The following ABI2 variants were observed in gnomAD, a reference collection of about 807,000 sequenced individuals.
ABI2 encodes the protein abl interactor 2.
Under a neutral mutation model 59.2 loss-of-function variants are expected in ABI2, and 25 were observed. The ratio of observed to expected loss-of-function variants is 0.42; its 90% CI spans 0.31 to 0.59. The LOEUF (loss-of-function observed/expected upper bound fraction) is 0.59. Ranked by LOEUF, ABI2 falls within the 20% of genes least tolerant of loss-of-function variation. The pLI, the probability that ABI2 is intolerant of heterozygous loss-of-function variation, is 0.14. For missense variants in ABI2, 545 were observed against 681.8 expected (o/e 0.80, Z 2.23); for synonymous variants, 213 against 235.5 (o/e 0.90, Z 0.87).
intron 2 of ABI2, among the ~76,000 whole-genome samples, chr2:203,367,894 C>T (rs2094619101): frequency 6.6e-6 from 1 of 151,578 alleles, no homozygotes. Flanking sequence ...GTCCCAGCTA[C>T]TTGGGAGGCT....
intron 1 of ABI2, among the ~76,000 whole-genome samples, chr2:203,348,978 G>T (rs1014380036): frequency 3.9e-5 from 6 of 152,092 alleles, no homozygotes; most frequent in Non-Finnish European, 8.8e-5. Context: ...CATTGTCTAG[G>T]CTGGAGTGCA....
intron 2 of ABI2, among the ~76,000 whole-genome samples, chr2:203,371,768 G>GT: frequency 6.6e-6 from 1 of 152,108 alleles, no homozygotes; most frequent in African/African-American, 2.4e-5. Flanking sequence ...TCAGTATAGT[G>GT]TAACATTATT....
chr2:203,363,015 G>C (rs2093744763), intron 1 of ABI2, among the ~76,000 whole-genome samples: 1 of 151,958 alleles, frequency 6.6e-6, no homozygotes, highest in Admixed American at 6.6e-5. Flanking sequence ...ATTTTTAGTA[G>C]AGACAGGGTT....
chr2:203,409,249 T>A (rs2097560632), intron 9 of ABI2, among the ~76,000 whole-genome samples: 1 of 152,176 alleles, frequency 6.6e-6, no homozygotes, highest in African/African-American at 2.4e-5. Flanking sequence ...AGTCAAGGAT[T>A]TACTGCCAAG....
At chr2:203,374,674 T>TTTGTTTTATGAATGATACATA (rs1165916715) in intron 2 of ABI2, 8 of 338,340 alleles carry the variant, frequency 2.4e-5, no homozygotes, top group Admixed American at 8.9e-5. Context: ...TAGTAACTAA[T>TTTGTTTTATGAATGATACATA]TTGTTTTATG....
intron 8 of ABI2, among the ~76,000 whole-genome samples, chr2:203,397,906 G>A (rs1400700178): frequency 6.6e-6 from 1 of 152,088 alleles, no homozygotes; most frequent in Non-Finnish European, 1.5e-5. Flanking sequence ...CAAGGGGGAT[G>A]GTGTTAAACC....
chr2:203,391,638 T>G (rs2096744325), intron 5 of ABI2, among the ~76,000 whole-genome samples: 1 of 152,104 alleles, frequency 6.6e-6, no homozygotes. Flanking sequence ...CTGGGCAACA[T>G]GGTGAAACCC....
intron 1 of ABI2, among the ~76,000 whole-genome samples, chr2:203,362,336 A>T (rs2093628800): frequency 6.6e-6 from 1 of 152,138 alleles, no homozygotes; most frequent in African/African-American, 2.4e-5. Flanking sequence ...TTCACTGTGA[A>T]TATTTATTTT....
rs1160939828 is a variant in ABI2, at chr2:203,380,316, C to T, written c.394C>T (p.Arg132Ter). 1.2e-6 allele frequency: 2 copies of T among 1,607,368 alleles called. No individual in the cohort carries two copies. Among genetic ancestry groups the T allele is most frequent in the Non-Finnish European group, 1.7e-6 (2 of 1,177,296 alleles). The change falls in exon 3 of 12, where the codon CGA becomes TGA. Residue 132 changes from arginine to a stop codon, truncating the protein, a stop_gained. Coordinates refer to ENST00000261018, the MANE Select transcript of ABI2 (RefSeq NM_001375670.1). LOFTEE classifies it high-confidence loss of function. ...HKIIAPANLE[R>*]PVRYIRKPID... ...GATTATTGCTCCAGCCAACCTTGAACGACCAGTTCGTTATATTAGAAAACC... is the reference window on the plus strand; with the variant it reads ...GATTATTGCTCCAGCCAACCTTGAATGACCAGTTCGTTATATTAGAAAACC...
At chr2:203,342,248 C>G (rs969275124) in intron 1 of ABI2, 25 of 454,828 alleles carry the variant, frequency 5.5e-5, no homozygotes, top group Non-Finnish European at 9.3e-5. Flanking sequence ...ACTCATGGAC[C>G]AAGTCCAGTT....
chr2:203,427,253 CAAG>C lies in ABI2; in HGVS notation c.1536_1538del (p.Lys512del). 2 of 1,613,760 alleles carry C rather than the reference CAAG, an allele frequency of 1.2e-6. No homozygotes were observed. The highest frequency in any genetic ancestry group is 1.7e-6 in the Non-Finnish European group (2 of 1,179,796). On this transcript the variant is annotated inframe_deletion, in exon 12 of 12. Transcript: ENST00000261018. ...AGGAAGGAGCCATTATTTATGTCAT[CAAG>C]AAGAATGACGATGGTTGGTATGAGG...
intron 1 of ABI2, among the ~76,000 whole-genome samples, chr2:203,350,775 T>A (rs928312569): frequency 3.3e-5 from 5 of 151,832 alleles, no homozygotes; most frequent in African/African-American, 2.4e-5. Flanking sequence ...CCTGACCTCA[T>A]GATCCACCCG....
At chr2:203,396,674 T>C in intron 7 of ABI2, 111 bp from the exon 8 acceptor site, 2 of 1,093,050 alleles carry the variant, frequency 1.8e-6, no homozygotes, top group Non-Finnish European at 2.4e-6. Flanking sequence ...TCTGTTCTTT[T>C]GGTTAGTGTT....
chr2:203,395,821 G>T, intron 7 of ABI2, 41 bp downstream of exon 7: 1 of 1,508,894 alleles, frequency 6.6e-7, no homozygotes, highest in South Asian at 1.4e-5. Context: ...TTTCCTTTCT[G>T]AATTTGATTC....
intron 1 of ABI2, among the ~76,000 whole-genome samples, chr2:203,352,684 T>C (rs963880062): frequency 2.0e-5 from 3 of 152,200 alleles, no homozygotes; most frequent in African/African-American, 7.2e-5. Context: ...ACAGTAAAGG[T>C]TAATTTATTA....
intron 6 of ABI2, 94 bp from the exon 7 acceptor site, chr2:203,395,562 T>C: frequency 7.3e-7 from 1 of 1,364,468 alleles, no homozygotes; most frequent in Non-Finnish European, 9.9e-7. Flanking sequence ...ATTACCTTTA[T>C]TGTAGCTACA....
chr2:203,400,337 C>T (rs1372490630), intron 8 of ABI2, among the ~76,000 whole-genome samples: 1 of 151,916 alleles, frequency 6.6e-6, no homozygotes, highest in African/African-American at 2.4e-5. Flanking sequence ...GATCCACCCG[C>T]CTCCACCTCC....
chr2:203,416,561 G>A (rs2097904005), intron 10 of ABI2, among the ~76,000 whole-genome samples: 1 of 152,172 alleles, frequency 6.6e-6, no homozygotes, highest in African/African-American at 2.4e-5. Context: ...CTCCCAAAGT[G>A]CTGGGATTAC....
chr2:203,384,668 T>C (rs1015261982), intron 4 of ABI2, among the ~76,000 whole-genome samples: 13 of 152,008 alleles, frequency 8.6e-5, no homozygotes, highest in Non-Finnish European at 1.6e-4. Flanking sequence ...CAGTATGATG[T>C]GTTTGTAATG....
Sources: gnomAD v4.1 joint callset for allele counts (sites outside exome capture counted in the v4.1 genomes callset) on GRCh38, gnomAD v4.1.1 for gene constraint, MANE v1.5 for transcripts, NCBI Gene and HGNC (gene_info 2026-07-23, HGNC 2026-07-21) for gene names.